Variants in ZNF836 observed in about 807,000 individuals in gnomAD.
ZNF836 encodes zinc finger protein 836.
A neutral mutation model predicts 7.4 loss-of-function variants in ZNF836; 12 were observed. The ratio of observed to expected loss-of-function variants is 1.61; its 90% CI spans 1.03 to 2.61. The LOEUF is 2.61. Among genes scored for constraint, ZNF836 ranks in the 30% most tolerant of loss-of-function variants. ZNF836 has a pLI of 0.00. For synonymous variants in ZNF836, 365 were observed against 382.6 expected (o/e 0.95, Z 0.54); for missense variants, 998 against 1,126.2 (o/e 0.89, Z 1.63).
Position 52,168,155 on chromosome 19 carries a change from G to C in ZNF836, c.-80-3C>G, listed in dbSNP as rs2089281937. Reference sequence around the variant, plus strand: ...AATTAATTCTTTACAAGTCAAATCTGAAAGTGAAAAATCTGTTGTTTAATG... The same window carrying C: ...AATTAATTCTTTACAAGTCAAATCTCAAAGTGAAAAATCTGTTGTTTAATG... On this transcript the variant is annotated splice_polypyrimidine_tract_variant and splice_region_variant and intron_variant, in intron 2 of 4. Coordinates refer to ENST00000682614, the MANE Select transcript of ZNF836 (RefSeq NM_001102657.3). 1.9e-6 allele frequency: 3 copies of C among 1,552,866 alleles called. No individual in the cohort carries two copies. The highest frequency in any genetic ancestry group is 1.4e-5 in the African/African-American group (1 of 72,638).
chr19:52,159,731 T>C (rs1000830694), intron 4 of ZNF836, among the ~76,000 whole-genome samples: 6 of 152,148 alleles, frequency 3.9e-5, no homozygotes, highest in African/African-American at 1.4e-4. Context: ...GTAGTCCATC[T>C]GGACCAAAGT....
rs190793359 is a variant in ZNF836 at position 52,156,805 on chromosome 19, C to T, written c.878G>A (p.Arg293Gln). ...CGGTTTCTCTCCAGTGTGACTTCTC[C>T]GGTGATTTACAAGATCTGAATTTTG... ...FRQNSDLVNH[R>Q]RSHTGEKPYK... The change falls in exon 5 of 5, where the codon CGG becomes CAG. Residue 293 changes from arginine (R) to glutamine (Q), a missense_variant. Physicochemically the swap from Arg to Gln is conservative, Grantham distance 43 (BLOSUM62 1). Coordinates refer to ENST00000682614, the MANE Select transcript of ZNF836 (RefSeq NM_001102657.3). 1.1e-4 allele frequency: 173 copies of T among 1,614,082 alleles called. 1 individual carries two copies. Among genetic ancestry groups the T allele is most frequent in the East Asian group, 1.1e-3 (48 of 44,872 alleles).
rs771191092 is a variant in ZNF836 at position 52,160,380 on chromosome 19, T to C, written c.142+85A>G. On this transcript the variant is annotated intron_variant, in intron 4 of 4. Transcript: ENST00000682614. ...CAAGGCTTCAGTCTCAGTCAAATAA[T>C]GGAAGGGCTCCCAAGAAAGACAACA... 1.9e-6 allele frequency: 3 copies of C among 1,571,410 alleles called. No homozygotes were observed. The African/African-American group carries it at 4.1e-5, about 21-fold the overall frequency.
chr19:52,156,582 G>A lies in ZNF836; in HGVS notation c.1101C>T (p.Phe367=), dbSNP rs1429588372. ...PYQCDICGKV[F]RQNSNLVNHQ... is the part of the protein sequence containing the mutation. ...GATTTACAAGATTAGAATTCTGCCT[G>A]AAGACCTTGCCACATATATCACATT... The change falls in exon 5 of 5, where the codon TTC becomes TTT. Residue 367 remains phenylalanine (F), a synonymous_variant. Coordinates refer to ENST00000682614, the MANE Select transcript of ZNF836 (RefSeq NM_001102657.3). The A allele has an allele frequency of 6.2e-7, 1 of 1,613,334 alleles. No individual in the cohort carries two copies.
In ZNF836 at chr19:52,157,001, T is replaced by A; in HGVS notation, c.682A>T (p.Arg228Ter). 6.2e-7 allele frequency: 1 copy of A among 1,613,268 alleles called. No individual in the cohort carries two copies. The highest frequency in any genetic ancestry group is 8.5e-7 in the Non-Finnish European group (1 of 1,179,360). ...TGGTTAATAAGACTTGAAGACACTC[T>A]AAAGGCTTTGCCACACCCTTTACAC... ...YMCKGCGKAF[R>*]VSSSLINHQM... is the part of the protein sequence containing the mutation. The change falls in exon 5 of 5, where the codon AGA (arginine) becomes TGA (stop). Residue 228 changes from arginine (R) to a stop codon, truncating the protein, a stop_gained. Coordinates refer to ENST00000682614, the MANE Select transcript of ZNF836 (RefSeq NM_001102657.3). LOFTEE classifies it low-confidence loss of function (END_TRUNC).
intron 2 of ZNF836, among the ~76,000 whole-genome samples, chr19:52,168,539 G>GATT (rs1397018241): frequency 9.9e-6 from 1 of 100,536 alleles, no homozygotes; most frequent in Non-Finnish European, 2.6e-5. Context: ...AGTGAGCCGA[G>GATT]ATCATGCCAC....
intron 3 of ZNF836, among the ~76,000 whole-genome samples, chr19:52,167,479 A>AC (rs2089275939): frequency 6.6e-6 from 1 of 151,210 alleles, no homozygotes; most frequent in Admixed American, 6.6e-5. Flanking sequence ...TCTCAAAAAA[A>AC]AAAAAAAAAA....
intron 2 of ZNF836, among the ~76,000 whole-genome samples, chr19:52,168,732 A>T (rs1415692438): frequency 6.6e-6 from 1 of 152,168 alleles, no homozygotes; most frequent in African/African-American, 2.4e-5. Flanking sequence ...AAAAAGAAGA[A>T]AATCCTGCTA....
chr19:52,156,398 G>C lies in ZNF836; in HGVS notation c.1285C>G (p.Leu429Val). Residue 429 changes from leucine (L) to valine (V), a missense_variant, in exon 5 of 5, where the codon CTC (leucine) becomes GTC (valine). Transcript: ENST00000682614. The part of the protein sequence containing the change: ...CGKTFKRSSS[L>V]TTHQIIHTGE... ...GTATGGATTATCTGATGTGTAGTGA[G>C]GCTGGAGCTCCGTTTAAAGGTTTTG... 6.2e-7 allele frequency: 1 copy of C among 1,614,172 alleles called. No individual in the cohort carries two copies. Among genetic ancestry groups the C allele is most frequent in the Non-Finnish European group, 8.5e-7 (1 of 1,180,020 alleles).
chr19:52,168,188 A>G (rs897729776), intron 2 of ZNF836, 36 bp from the exon 3 acceptor site: 1 of 1,389,588 alleles, frequency 7.2e-7, no homozygotes, highest in Non-Finnish European at 9.9e-7. Flanking sequence ...ATGCTTGGAA[A>G]CAACACATTC....
intron 3 of ZNF836, 121 bp from the exon 4 acceptor site, chr19:52,160,712 C>T (rs926351747): frequency 1.6e-6 from 2 of 1,245,922 alleles, no homozygotes; most frequent in Non-Finnish European, 2.2e-6. Flanking sequence ...CCATGCAAGG[C>T]ATCTGTGAGA....
intron 3 of ZNF836, among the ~76,000 whole-genome samples, chr19:52,162,591 G>A (rs2089222389): frequency 6.6e-6 from 1 of 152,224 alleles, no homozygotes; most frequent in African/African-American, 2.4e-5. Context: ...GGGCCAGGGG[G>A]CATCTTGCCT....
In ZNF836 at chr19:52,165,946, T is replaced by C. The variant is rs1165849763; in HGVS notation, c.15+2112A>G. Among the ~76,000 whole-genome samples the C allele has an allele frequency of 4.6e-5, 7 of 152,344 alleles. No homozygotes were observed. In the East Asian group the frequency reaches 1.2e-3, roughly 25 times the overall value. On this transcript the variant is annotated intron_variant, in intron 3 of 4. Transcript: ENST00000682614. ...GCATTCTAGCAGCCATTTCATATTC[T>C]GTAGTTAAATTTTCAGAATATATAT... is the stretch of plus-strand genomic sequence containing the variant.
intron 1 of ZNF836, chr19:52,171,014 A>G (rs1002106118): frequency 1.3e-5 from 2 of 151,964 alleles, no homozygotes; most frequent in Non-Finnish European, 2.9e-5. Context: ...ACAAGGTGGC[A>G]GGGGGTACGG....
At chr19:52,167,368 A>T (rs2089274252) in intron 3 of ZNF836, among the ~76,000 whole-genome samples, 1 of 145,698 alleles carries the variant, frequency 6.9e-6, no homozygotes, top group Admixed American at 7.2e-5. Flanking sequence ...GCTACTCAGG[A>T]GGCTGAGACA....
rs1395798406 is a variant in ZNF836 at position 52,156,730 on chromosome 19, G to T, written c.953C>A (p.Ala318Glu). ...TCCAGTGTGAATTCTCTGATGTATT[G>T]CAAGGTTATAACTTTGACTAAAGGA... ...GKSFSQSYNL[A>E]IHQRIHTGEK... The change falls in exon 5 of 5, where the codon GCA (alanine) becomes GAA (glutamate). Residue 318 changes from alanine (A) to glutamate (E), a missense_variant. Coordinates refer to ENST00000682614, the MANE Select transcript of ZNF836 (RefSeq NM_001102657.3). The T allele has an allele frequency of 1.0e-5, 16 of 1,606,364 alleles. No individual in the cohort carries two copies. The highest frequency in any genetic ancestry group is 1.1e-5 in the Non-Finnish European group (13 of 1,174,924).
At chr19:52,160,289 T>C (rs1227173954) in intron 4 of ZNF836, 176 bp downstream of exon 4, 5 of 689,068 alleles carry the variant, frequency 7.3e-6, no homozygotes, top group South Asian at 5.5e-5. Context: ...AAAAAGGGGA[T>C]AGTGTGATGA....
In ZNF836 at chr19:52,155,249, C is replaced by T. The variant is rs770692408; in HGVS notation, c.2434G>A (p.Gly812Ser). 3 of 1,613,948 alleles carry T rather than the reference C, an allele frequency of 1.9e-6. No homozygotes were observed. The highest frequency in any genetic ancestry group is 1.7e-5 in the Admixed American group (1 of 60,012). Residue 812 changes from glycine to serine, a missense_variant, in exon 5 of 5, where the codon GGC becomes AGC. Gly to Ser is a moderately conservative substitution (Grantham distance 56). Transcript: ENST00000682614. ...ATTGAACGCACTCTAAAGGCTTTGC[C>T]ACACTCATTACACACGTAAGGTTTC... ...GEKPYVCNEC[G>S]KAFRVRSILV...
rs550711264 is a variant in ZNF836, at chr19:52,160,379, A to G, written c.142+86T>C. ...ACAAGGCTTCAGTCTCAGTCAAATA[A>G]TGGAAGGGCTCCCAAGAAAGACAAC... On this transcript the variant is annotated intron_variant, in intron 4 of 4. Coordinates refer to ENST00000682614, the MANE Select transcript of ZNF836 (RefSeq NM_001102657.3). 56 of 1,569,342 alleles carry G rather than the reference A, an allele frequency of 3.6e-5. 1 individual carries two copies. In the East Asian group the frequency reaches 1.2e-3, roughly 33 times the overall value.
Sources: allele counts gnomAD v4.1 joint callset (sites outside exome capture counted in the v4.1 genomes callset), GRCh38; gene constraint gnomAD v4.1.1; transcripts MANE v1.5; gene names NCBI Gene and HGNC (gene_info 2026-07-23, HGNC 2026-07-21).